TNNI1: variants seen among roughly 807,000 people sequenced by gnomAD.
TNNI1 encodes the protein troponin I1, slow skeletal type.
In TNNI1, 14 loss-of-function variants were observed where a neutral mutation model predicts 26.7. The ratio of observed to expected loss-of-function variants is 0.52; its 90% CI spans 0.35 to 0.82. TNNI1 has a LOEUF of 0.82. TNNI1 is among the 40% of genes least tolerant of loss of function. The probability of loss-of-function intolerance (pLI) is 0.01; values close to 1 mark genes in which losing one functional copy is unlikely to be tolerated. For synonymous variants in TNNI1, 79 were observed against 98.2 expected, an observed-to-expected ratio of 0.80 and a Z score of 1.16; for missense variants, 164 against 257.0, an observed-to-expected ratio of 0.64 and a Z score of 2.47.
rs1662753910 is a variant in TNNI1, at chr1:201,416,990, A to G, written c.15+126T>C. On this transcript the variant is annotated intron_variant, in intron 3 of 8. Coordinates refer to ENST00000361379, the MANE Select transcript of TNNI1 (RefSeq NM_003281.4). ...AATTTGTTCAGCCACTAAATACCCT[A>G]CACCCCCTGGACTCCCACCAGGCCT... The G allele has an allele frequency of 3.5e-6, 4 of 1,133,230 alleles. No individual in the cohort carries two copies. In the South Asian group the frequency reaches 3.8e-5, roughly 11 times the overall value. The allele number at this position is 1,133,230 out of a possible 1,614,324, so 70.2% of individuals were successfully genotyped here.
At chr1:201,421,256 C>T (rs775643096) in intron 1 of TNNI1, among the ~76,000 whole-genome samples, 7 of 152,158 alleles carry the variant, frequency 4.6e-5, no homozygotes, top group Admixed American at 1.3e-4. Context: ...CCTTCTCTTC[C>T]GCTGCAGGCA....
chr1:201,416,735 A>G (rs16848547), intron 3 of TNNI1, among the ~76,000 whole-genome samples: 3,418 of 152,266 alleles, frequency 0.022, 125 homozygotes, highest in African/African-American at 0.078. Flanking sequence ...TACCCTTCCA[A>G]TATAGCTTTG....
chr1:201,414,230 G>A (rs112547546), intron 5 of TNNI1, among the ~76,000 whole-genome samples: 6 of 152,256 alleles, frequency 3.9e-5, no homozygotes, highest in Admixed American at 6.5e-5. Context: ...AACCCCGGCC[G>A]CCTCCCCACT....
chr1:201,411,511 A>G lies in TNNI1; in HGVS notation c.302T>C (p.Val101Ala). 1 of 1,604,450 alleles carries G rather than the reference A, an allele frequency of 6.2e-7. No individual in the cohort carries two copies. The highest frequency in any genetic ancestry group is 8.5e-7 in the Non-Finnish European group (1 of 1,176,096). Residue 101 changes from valine (V) to alanine (A), a missense_variant, in exon 7 of 9, where the codon GTG becomes GCG. Physicochemically the swap from Val to Ala is moderately conservative, Grantham distance 64 (BLOSUM62 0). Transcript: ENST00000361379. This position sits in a 1 kb window ranked among gnomAD's most constrained non-coding sequence, Gnocchi z 4.6. ...TREIKDLKLK[V>A]MDLRGKFKRP... ...CTTGAACTTCCCACGGAGGTCCATC[A>G]CCTTCAGCTTCAGGTCCTTAATCTG...
At position 201,415,199 on chromosome 1, in the gene TNNI1, GC is replaced by G; in HGVS notation, c.57+13del. 6.2e-7 allele frequency: 1 copy of G among 1,612,670 alleles called. No homozygotes were observed. The highest frequency in any genetic ancestry group is 1.7e-4 in the Middle Eastern group (1 of 5,740). Reference sequence around the variant, plus strand: ...CCCACTGGGCATCCCCCCACAGCCAGCCCCCAGCCTCACCTTCAGCAAGAGT... The same window carrying G: ...CCCACTGGGCATCCCCCCACAGCCAGCCCCAGCCTCACCTTCAGCAAGAGT... On this transcript the variant is annotated intron_variant, in intron 4 of 8. Transcript: ENST00000361379.
chr1:201,413,313 T>G (rs1006436728), intron 5 of TNNI1, among the ~76,000 whole-genome samples, 192 bp from the exon 6 acceptor site: 7 of 152,190 alleles, frequency 4.6e-5, no homozygotes, highest in Non-Finnish European at 1.0e-4. Flanking sequence ...TGTCTGAATG[T>G]CATGATTTCT....
At chr1:201,417,262 T>G in intron 2 of TNNI1, 143 bp from the exon 3 acceptor site, 1 of 1,082,152 alleles carries the variant, frequency 9.2e-7, no homozygotes, top group Non-Finnish European at 1.4e-6. Flanking sequence ...AGCCAGAAAG[T>G]CATCAGGCAT....
At chr1:201,410,775 T>A (rs906014453) in intron 7 of TNNI1, among the ~76,000 whole-genome samples, 6 of 152,216 alleles carry the variant, frequency 3.9e-5, no homozygotes, top group Non-Finnish European at 7.3e-5. Flanking sequence ...TTCCAAGAAG[T>A]CTTCCCCTGC....
chr1:201,409,704 C>T (rs754407929), intron 8 of TNNI1, among the ~76,000 whole-genome samples: 1 of 152,190 alleles, frequency 6.6e-6, no homozygotes, highest in Non-Finnish European at 1.5e-5. Flanking sequence ...GAGGGTTTTA[C>T]GTGGCCTGAT....
In TNNI1 at chr1:201,407,033, CAT is replaced by C. The variant is rs1662531454; in HGVS notation, c.*2218_*2219del. 1 of 152,272 alleles carries C rather than the reference CAT, an allele frequency of 6.6e-6. No individual in the cohort carries two copies. The highest frequency in any genetic ancestry group is 1.5e-5 in the Non-Finnish European group (1 of 68,070). The allele number at this position is 152,272 out of a possible 1,614,324, so 9.4% of individuals were successfully genotyped here. On this transcript the variant is annotated 3_prime_UTR_variant, in exon 9 of 9. Coordinates refer to ENST00000361379, the MANE Select transcript of TNNI1 (RefSeq NM_003281.4). ...GCCCAGAGCAGGTCTCCTGCCTTTA[CAT>C]GACTGGGTGGATACCCCAATCTGCC...
chr1:201,420,436 AG>A (rs574376490), intron 1 of TNNI1, among the ~76,000 whole-genome samples: 6 of 151,148 alleles, frequency 4.0e-5, no homozygotes, highest in African/African-American at 1.2e-4. Flanking sequence ...CCTCCCCCCG[AG>A]GGGGGGAGCA....
In TNNI1 at chr1:201,405,308, G is replaced by A. The variant is rs1365122653; in HGVS notation, c.*3945C>T. 1 of 152,700 alleles carries A rather than the reference G, an allele frequency of 6.5e-6. No homozygotes were observed. Among genetic ancestry groups the A allele is most frequent in the East Asian group, 1.9e-4 (1 of 5,194 alleles). The allele number at this position is 152,700 out of a possible 1,614,324, so 9.5% of individuals were successfully genotyped here. On this transcript the variant is annotated 3_prime_UTR_variant, in exon 9 of 9. Transcript: ENST00000361379. ...CACCCTGCTCAGCCTTCGTCTCAGG[G>A]GACCCACAAGCCAGCCTAGAAGTGT...
In TNNI1 at chr1:201,414,656, A is replaced by C. The variant is rs887073095; in HGVS notation, c.58-7T>G. 6.2e-7 allele frequency: 1 copy of C among 1,611,886 alleles called. No individual in the cohort carries two copies. Among genetic ancestry groups the C allele is most frequent in the Non-Finnish European group, 8.5e-7 (1 of 1,178,788 alleles). ...CCTTGGCCAGCATCAGGCTCTGGACAGGACACACCTGCTGAGCTGGGGGCC... is the reference window on the plus strand; with the variant it reads ...CCTTGGCCAGCATCAGGCTCTGGACCGGACACACCTGCTGAGCTGGGGGCC... On this transcript the variant is annotated splice_region_variant and splice_polypyrimidine_tract_variant and intron_variant, in intron 4 of 8. Transcript: ENST00000361379.
intron 3 of TNNI1, among the ~76,000 whole-genome samples, chr1:201,416,138 T>A (rs1662735705): frequency 6.6e-6 from 1 of 152,176 alleles, no homozygotes; most frequent in South Asian, 2.1e-4. Flanking sequence ...AGACAATGGA[T>A]GAGTTTCAGC....
rs1328484618 is a variant in TNNI1, at chr1:201,404,777, C to T, written c.*4476G>A. On this transcript the variant is annotated 3_prime_UTR_variant, in exon 9 of 9. Transcript: ENST00000361379. ...GAAGAGCATCTGGGAGGCACTAGTA[C>T]AGGGGACACACAGGTGTCTGTGACA... The T allele has an allele frequency of 1.3e-5, 2 of 152,308 alleles. No individual in the cohort carries two copies. The highest frequency in any genetic ancestry group is 6.5e-5 in the Admixed American group (1 of 15,294). 9.4% of individuals were successfully genotyped at this position (152,308 alleles called of 1,614,324 possible).
In TNNI1 at chr1:201,411,979, C is replaced by G. The variant is rs944939494; in HGVS notation, c.280-446G>C. 1.2e-4 allele frequency among the ~76,000 whole-genome samples: 18 copies of G among 152,328 alleles called. No homozygotes were observed. Among genetic ancestry groups the G allele is most frequent in the African/African-American group, 4.1e-4 (17 of 41,572 alleles). ...AACAGGCCACGGACAGGTACTGGTCCACAGCCCAAGAGTTGGAGATCCCTG... is the reference window on the plus strand; with the variant it reads ...AACAGGCCACGGACAGGTACTGGTCGACAGCCCAAGAGTTGGAGATCCCTG... On this transcript the variant is annotated intron_variant, in intron 6 of 8. Coordinates refer to ENST00000361379, the MANE Select transcript of TNNI1 (RefSeq NM_003281.4). The surrounding 1 kb of genome is among the most constrained non-coding windows in gnomAD (Gnocchi z 4.6).
intron 4 of TNNI1, among the ~76,000 whole-genome samples, 166 bp from the exon 5 acceptor site, chr1:201,414,815 G>A (rs760728672): frequency 2.6e-5 from 4 of 152,248 alleles, no homozygotes; most frequent in Admixed American, 6.5e-5. Flanking sequence ...CCCAGTGGCT[G>A]CACACAATGT....
chr1:201,416,231 A>G (rs932400187), intron 3 of TNNI1, among the ~76,000 whole-genome samples: 2 of 152,176 alleles, frequency 1.3e-5, no homozygotes, highest in Non-Finnish European at 2.9e-5. Context: ...GTTACATTTC[A>G]GATAAGTGCA....
At chr1:201,414,876 T>G (rs1374884462) in intron 4 of TNNI1, among the ~76,000 whole-genome samples, 2 of 152,226 alleles carry the variant, frequency 1.3e-5, no homozygotes, top group Admixed American at 6.5e-5. Flanking sequence ...TCTTATCCAC[T>G]TACTGTCTGT....
Sources: gnomAD v4.1 joint callset for allele counts (sites outside exome capture counted in the v4.1 genomes callset) on GRCh38, gnomAD v4.1.1 for gene constraint, Gnocchi (gnomAD v3.1) non-coding constraint, MANE v1.5 for transcripts, NCBI Gene and HGNC (gene_info 2026-07-23, HGNC 2026-07-21) for gene names.